Variants in FER1L6 observed in about 807,000 individuals in gnomAD.
FER1L6 encodes the protein fer-1 like family member 6.
FER1L6 carries 177 observed loss-of-function variants against 219.2 expected under a neutral mutation model. The observed-to-expected ratio is 0.81, with a 90% CI of 0.71 to 0.91. The LOEUF (loss-of-function observed/expected upper bound fraction) is 0.91. Among genes scored for constraint, FER1L6 ranks in the 40% least tolerant of loss-of-function variants. FER1L6 has a pLI of 0.00. For missense variants in FER1L6, 2,153 were observed against 2,259.9 expected, an observed-to-expected ratio of 0.95 and a Z score of 0.96; for synonymous variants, 768 against 824.3, an observed-to-expected ratio of 0.93 and a Z score of 1.17.
At chr8:124,117,749 A>C (rs1475771571) in intron 39 of FER1L6, among the ~76,000 whole-genome samples, 1 of 152,176 alleles carries the variant, frequency 6.6e-6, no homozygotes, top group East Asian at 1.9e-4. Flanking sequence ...TTATATTATA[A>C]TGGCTGCCAG....
chr8:124,115,978 T>C (rs1173702595), intron 39 of FER1L6, among the ~76,000 whole-genome samples: 1 of 152,234 alleles, frequency 6.6e-6, no homozygotes, highest in African/African-American at 2.4e-5. Flanking sequence ...CAAAAGCATA[T>C]ACTAATGCCA....
chr8:123,888,426 T>G (rs1030645187), intron 1 of FER1L6, among the ~76,000 whole-genome samples: 6 of 152,100 alleles, frequency 3.9e-5, no homozygotes, highest in Non-Finnish European at 1.5e-5. Context: ...CTGATATTCT[T>G]TTGTAATACT....
At chr8:124,097,694 T>A in intron 36 of FER1L6, 91 bp from the exon 37 acceptor site, 1 of 767,350 alleles carries the variant, frequency 1.3e-6, no homozygotes, top group South Asian at 1.6e-5. Context: ...TTTAGGAAAC[T>A]TATAGACCAA....
intron 1 of FER1L6, among the ~76,000 whole-genome samples, chr8:123,952,191 G>A (rs1162748419): frequency 6.6e-6 from 1 of 152,212 alleles, no homozygotes; most frequent in Non-Finnish European, 1.5e-5. Flanking sequence ...TCCTGAACAA[G>A]AGGAACAGAA....
chr8:124,090,675 T>C (rs1040595652), intron 33 of FER1L6, among the ~76,000 whole-genome samples: 1 of 152,350 alleles, frequency 6.6e-6, no homozygotes, highest in Admixed American at 6.5e-5. Flanking sequence ...AAGCTTATCT[T>C]GGTCCTGGCT....
intron 33 of FER1L6, 111 bp from the exon 34 acceptor site, chr8:124,091,312 C>T (rs1822017889): frequency 1.2e-6 from 1 of 828,236 alleles, no homozygotes; most frequent in Non-Finnish European, 1.8e-6. Flanking sequence ...AACAAACCCC[C>T]TAACCCCAGA....
In FER1L6 at chr8:124,082,309, A is replaced by G; in HGVS notation, c.4242A>G (p.Thr1414=). Residue 1414 remains threonine (T), a synonymous_variant, in exon 33 of 41, where the codon ACA becomes ACG. Transcript: ENST00000522917. ...VFGRSFEIQA[T]FPKESLLSIL... is the part of the protein sequence containing the mutation. The stretch of plus-strand genomic sequence containing the variant: ...GCAGGTCATTTGAGATCCAAGCCAC[A>G]TTCCCAAAAGAGTCCCTGCTCTCCA... 1 of 1,613,410 alleles carries G rather than the reference A, an allele frequency of 6.2e-7. No individual in the cohort carries two copies. Among genetic ancestry groups the G allele is most frequent in the South Asian group, 1.1e-5 (1 of 90,920 alleles).
chr8:123,882,050 T>C (rs1286162538), intron 1 of FER1L6, among the ~76,000 whole-genome samples: 1 of 152,212 alleles, frequency 6.6e-6, no homozygotes, highest in Non-Finnish European at 1.5e-5. Flanking sequence ...ATTTAAGGCT[T>C]ACAGATTTCA....
intron 33 of FER1L6, among the ~76,000 whole-genome samples, chr8:124,085,042 A>G (rs1396063241): frequency 6.6e-6 from 1 of 151,978 alleles, no homozygotes; most frequent in African/African-American, 2.4e-5. Flanking sequence ...TTTATTTGCT[A>G]ATTTCCAAAT....
At chr8:124,017,361 A>G (rs1213281696) in intron 15 of FER1L6, among the ~76,000 whole-genome samples, 1 of 152,166 alleles carries the variant, frequency 6.6e-6, no homozygotes, top group Non-Finnish European at 1.5e-5. Context: ...ATGAATTTTT[A>G]TAGCAATCAC....
intron 1 of FER1L6, among the ~76,000 whole-genome samples, chr8:123,917,031 C>A (rs1475835502): frequency 1.3e-5 from 2 of 152,204 alleles, no homozygotes; most frequent in Non-Finnish European, 2.9e-5. Context: ...TAGAAGACTG[C>A]AGAGAATAGC....
At chr8:123,962,672 C>A (rs1450271315) in intron 2 of FER1L6, among the ~76,000 whole-genome samples, 1 of 152,152 alleles carries the variant, frequency 6.6e-6, no homozygotes, top group African/African-American at 2.4e-5. Flanking sequence ...TTTGCCCAGG[C>A]TAGAGTGAAG....
chr8:124,061,105 T>G (rs924850520), intron 24 of FER1L6, among the ~76,000 whole-genome samples: 8 of 152,202 alleles, frequency 5.3e-5, no homozygotes, highest in Non-Finnish European at 8.8e-5. Flanking sequence ...ATGATAAAAT[T>G]TGAGAACCAC....
intron 22 of FER1L6, among the ~76,000 whole-genome samples, chr8:124,059,879 A>ATT (rs1820479910): frequency 1.3e-5 from 2 of 152,268 alleles, no homozygotes; most frequent in South Asian, 4.1e-4. Flanking sequence ...AATTTTATTA[A>ATT]GTTGTAAAGA....
intron 18 of FER1L6, among the ~76,000 whole-genome samples, chr8:124,025,149 G>A (rs890592325): frequency 2.6e-5 from 4 of 151,848 alleles, no homozygotes; most frequent in African/African-American, 9.7e-5. Context: ...CATTCTCTAG[G>A]TTTCTGTTTA....
intron 1 of FER1L6, among the ~76,000 whole-genome samples, chr8:123,857,382 C>T (rs1816666917): frequency 2.0e-5 from 3 of 152,104 alleles, no homozygotes; most frequent in Admixed American, 6.6e-5. Flanking sequence ...TTGTGGCATG[C>T]ACCTGTAGTC....
intron 1 of FER1L6, among the ~76,000 whole-genome samples, chr8:123,935,267 T>C (rs6981229): frequency 0.49 from 74,657 of 151,968 alleles, 18,707 homozygotes; most frequent in African/African-American, 0.56. Context: ...TCTTATTTAT[T>C]TTGATAATCA....
At chr8:124,037,093 A>T (rs1472611029) in intron 19 of FER1L6, among the ~76,000 whole-genome samples, 1 of 152,246 alleles carries the variant, frequency 6.6e-6, no homozygotes, top group Non-Finnish European at 1.5e-5. Flanking sequence ...TGACTAGATT[A>T]GTCCCAGGAA....
chr8:124,109,659 GT>G (rs1292002306), intron 39 of FER1L6, among the ~76,000 whole-genome samples: 9 of 152,258 alleles, frequency 5.9e-5, no homozygotes, highest in African/African-American at 1.9e-4. Flanking sequence ...TATCAACATA[GT>G]TTTTTCCTGA....
Sources: gnomAD v4.1 joint callset for allele counts (sites outside exome capture counted in the v4.1 genomes callset) on GRCh38, gnomAD v4.1.1 for gene constraint, MANE v1.5 for transcripts, NCBI Gene and HGNC (gene_info 2026-07-23, HGNC 2026-07-21) for gene names.